SMAP1: variants seen among roughly 807,000 people sequenced by gnomAD.
The protein encoded by SMAP1 is small ArfGAP 1.
In SMAP1, 24 loss-of-function variants were observed where a neutral mutation model predicts 58.5. That is an observed-to-expected ratio of 0.41 (90% CI 0.30 to 0.58). SMAP1 has a LOEUF of 0.58. SMAP1 is among the 20% of genes least tolerant of loss of function. The pLI, the probability that SMAP1 is intolerant of heterozygous loss-of-function variation, is 0.29. For synonymous variants in SMAP1, 216 were observed against 196.6 expected, an observed-to-expected ratio of 1.10 and a Z score of -0.82; for missense variants, 563 against 566.3, an observed-to-expected ratio of 0.99 and a Z score of 0.06.
Position 70,861,969 on chromosome 6 carries a change from AC to A in SMAP1, c.*1636del. 1.2e-6 allele frequency: 2 copies of A among 1,607,428 alleles called. No homozygotes were observed. The highest frequency in any genetic ancestry group is 1.7e-6 in the Non-Finnish European group (2 of 1,176,338). On this transcript the variant is annotated 3_prime_UTR_variant, in exon 11 of 11. Coordinates refer to ENST00000370455, the MANE Select transcript of SMAP1 (RefSeq NM_001044305.3). ...ATTGGACAAAATGACTTGAAGACTT[AC>A]AGCAAATCCTTTGTGAAAAATAAAA... is the stretch of plus-strand genomic sequence containing the variant.
At chr6:70,772,649 CTA>C (rs1767379922) in intron 3 of SMAP1, among the ~76,000 whole-genome samples, 1 of 152,278 alleles carries the variant, frequency 6.6e-6, no homozygotes, top group African/African-American at 2.4e-5. Flanking sequence ...ATTACTCACT[CTA>C]TTAACAGGTA....
intron 1 of SMAP1, among the ~76,000 whole-genome samples, chr6:70,708,915 C>A (rs1056583941): frequency 6.6e-6 from 1 of 152,192 alleles, no homozygotes; most frequent in African/African-American, 2.4e-5. Flanking sequence ...CTGTAGGCTG[C>A]CTTTTCATTT....
At chr6:70,715,641 A>T (rs1478269754) in intron 1 of SMAP1, among the ~76,000 whole-genome samples, 10 of 152,134 alleles carry the variant, frequency 6.6e-5, no homozygotes. Flanking sequence ...CAGTTTTTCC[A>T]TGGACTTGGG....
At chr6:70,749,054 C>T (rs1766164642) in intron 2 of SMAP1, among the ~76,000 whole-genome samples, 1 of 152,086 alleles carries the variant, frequency 6.6e-6, no homozygotes, top group African/African-American at 2.4e-5. Context: ...CCACCTGAGA[C>T]TGGGTAATTT....
chr6:70,834,453 A>G (rs961647589), intron 6 of SMAP1, among the ~76,000 whole-genome samples: 3 of 152,102 alleles, frequency 2.0e-5, no homozygotes, highest in Admixed American at 6.5e-5. Flanking sequence ...GGCACATAAC[A>G]TCTGAGCCTC....
At chr6:70,805,168 G>T (rs1037656168) in intron 6 of SMAP1, among the ~76,000 whole-genome samples, 1 of 151,998 alleles carries the variant, frequency 6.6e-6, no homozygotes, top group Non-Finnish European at 1.5e-5. Flanking sequence ...TTTTCATATA[G>T]TTTCATATTT....
At chr6:70,770,999 T>A (rs1767271432) in intron 3 of SMAP1, among the ~76,000 whole-genome samples, 1 of 152,112 alleles carries the variant, frequency 6.6e-6, no homozygotes. Flanking sequence ...TCTGTTGGAG[T>A]TTGCTGGAGG....
chr6:70,811,026 T>A (rs1471029724), intron 6 of SMAP1, among the ~76,000 whole-genome samples: 1 of 152,192 alleles, frequency 6.6e-6, no homozygotes, highest in Non-Finnish European at 1.5e-5. Context: ...TTACAATCAA[T>A]TTTTAAAACT....
In SMAP1 at chr6:70,668,034, G is replaced by A. The variant is rs753110902; in HGVS notation, c.11G>A (p.Arg4His). The change falls in exon 1 of 11, where the codon CGC becomes CAC. Residue 4 changes from arginine (R) to histidine (H), a missense_variant. Arg to His is a conservative substitution (Grantham distance 29). Around this residue, in one of 3 missense-constraint regions of SMAP1, gnomAD observed 52 missense variants for 46.6 expected, o/e 1.11. Transcript: ENST00000370455. MAT[R>H]SCREKAQKLN... is the part of the protein sequence containing the mutation. ...CGCCCCGCTGCCGAGATGGCGACGCGCTCCTGTCGGGAGAAGGCTCAGAAG... is the reference window on the plus strand; with the variant it reads ...CGCCCCGCTGCCGAGATGGCGACGCACTCCTGTCGGGAGAAGGCTCAGAAG... 5 of 1,598,706 alleles carry A rather than the reference G, an allele frequency of 3.1e-6. No homozygotes were observed. Among genetic ancestry groups the A allele is most frequent in the Non-Finnish European group, 3.4e-6 (4 of 1,173,792 alleles).
chr6:70,781,196 T>G (rs1767749030), intron 4 of SMAP1, among the ~76,000 whole-genome samples: 1 of 152,144 alleles, frequency 6.6e-6, no homozygotes, highest in African/African-American at 2.4e-5. Flanking sequence ...TTTCCAGAAT[T>G]CTACATATTT....
chr6:70,679,150 A>T (rs1054837806), intron 1 of SMAP1, among the ~76,000 whole-genome samples: 1 of 151,230 alleles, frequency 6.6e-6, no homozygotes, highest in African/African-American at 2.4e-5. Context: ...CAGCCTCTGG[A>T]GTAGCTTACA....
intron 1 of SMAP1, among the ~76,000 whole-genome samples, chr6:70,677,573 C>T (rs541477565): frequency 1.8e-4 from 27 of 151,470 alleles, no homozygotes; most frequent in Non-Finnish European, 3.5e-4. Context: ...CGCCCGCCAC[C>T]GCGCCCAGCT....
At chr6:70,785,564 TAAA>T (rs912697311) in intron 4 of SMAP1, among the ~76,000 whole-genome samples, 6 of 151,678 alleles carry the variant, frequency 4.0e-5, no homozygotes, top group Non-Finnish European at 7.4e-5. Flanking sequence ...GCAGGACTAA[TAAA>T]GAAGAAAAGA....
At chr6:70,790,393 C>T (rs1293017615) in intron 4 of SMAP1, among the ~76,000 whole-genome samples, 1 of 152,122 alleles carries the variant, frequency 6.6e-6, no homozygotes, top group Non-Finnish European at 1.5e-5. Context: ...CGTGCCTTGG[C>T]CTCCCAAAGT....
chr6:70,859,371 G>T, intron 10 of SMAP1: 1 of 1,549,284 alleles, frequency 6.5e-7, no homozygotes, highest in South Asian at 1.2e-5. Context: ...CTCCATCAGT[G>T]CAATCTACTG....
At chr6:70,792,982 C>G (rs1383448941) in intron 5 of SMAP1, among the ~76,000 whole-genome samples, 5 of 152,000 alleles carry the variant, frequency 3.3e-5, no homozygotes, top group Non-Finnish European at 7.4e-5. Context: ...GGACATGTTC[C>G]AAAGTAGTAA....
intron 1 of SMAP1, among the ~76,000 whole-genome samples, chr6:70,683,655 A>G (rs1370958798): frequency 6.6e-6 from 1 of 152,112 alleles, no homozygotes; most frequent in African/African-American, 2.4e-5. Context: ...ATTCATCTCC[A>G]TATTCCACCC....
chr6:70,735,464 A>T (rs1471219460), intron 2 of SMAP1, among the ~76,000 whole-genome samples: 1 of 152,210 alleles, frequency 6.6e-6, no homozygotes. Flanking sequence ...ATGATATTTT[A>T]TAATAATTTC....
At chr6:70,700,900 T>C (rs1458390100) in intron 1 of SMAP1, among the ~76,000 whole-genome samples, 1 of 152,236 alleles carries the variant, frequency 6.6e-6, no homozygotes, top group African/African-American at 2.4e-5. Context: ...GGTTCCCTTC[T>C]GGCCCAGGGT....
Sources: gnomAD v4.1 joint callset for allele counts (sites outside exome capture counted in the v4.1 genomes callset) on GRCh38, gnomAD v4.1.1 for gene constraint, gnomAD v4.1.1 regional missense constraint, MANE v1.5 for transcripts, NCBI Gene and HGNC (gene_info 2026-07-23, HGNC 2026-07-21) for gene names.